DPP10: variants seen among roughly 807,000 people sequenced by gnomAD.
The protein encoded by DPP10 is dipeptidyl peptidase like 10.
Under a neutral mutation model 120.9 loss-of-function variants are expected in DPP10, and 33 were observed. The observed-to-expected ratio is 0.27, with a 90% CI of 0.21 to 0.37. DPP10 has a LOEUF of 0.37. DPP10 is among the 10% of genes least tolerant of loss of function. DPP10 has a pLI of 1.00. For synonymous variants in DPP10, 337 were observed against 326.1 expected (o/e 1.03, Z -0.36); for missense variants, 816 against 942.8 (o/e 0.87, Z 1.76).
intron 3 of DPP10, among the ~76,000 whole-genome samples, chr2:115,423,458 A>T (rs555981242): frequency 6.6e-6 from 1 of 152,162 alleles, no homozygotes; most frequent in Non-Finnish European, 1.5e-5. Context: ...GATATGTGTG[A>T]ATAAAACATA....
At chr2:115,776,711 A>G (rs1370940453) in intron 13 of DPP10, among the ~76,000 whole-genome samples, 1 of 152,158 alleles carries the variant, frequency 6.6e-6, no homozygotes, top group East Asian at 1.9e-4. Flanking sequence ...CCTTGGAAGC[A>G]TTGATTAAGC....
At chr2:115,517,511 G>T (rs1365132807) in intron 4 of DPP10, among the ~76,000 whole-genome samples, 1 of 151,944 alleles carries the variant, frequency 6.6e-6, no homozygotes, top group Admixed American at 6.6e-5. Flanking sequence ...TCAGCATTTT[G>T]TTACTGATTC....
chr2:114,790,852 T>G (rs1032147234), intron 1 of DPP10, among the ~76,000 whole-genome samples: 3 of 152,236 alleles, frequency 2.0e-5, no homozygotes, highest in African/African-American at 2.4e-5. Context: ...TTCAGTTACT[T>G]CAGGCCATCT....
chr2:114,741,219 T>C (rs1678029354), intron 1 of DPP10, among the ~76,000 whole-genome samples: 1 of 152,200 alleles, frequency 6.6e-6, no homozygotes, highest in South Asian at 2.1e-4. Context: ...TTACCAGGCA[T>C]GCATAACCTT....
At chr2:115,065,803 TAATTA>T (rs900075427) in intron 1 of DPP10, among the ~76,000 whole-genome samples, 3 of 152,188 alleles carry the variant, frequency 2.0e-5, no homozygotes, top group African/African-American at 7.2e-5. Context: ...TCCAGTGCAC[TAATTA>T]ATTTTACATT....
At chr2:114,493,368 CCAAGAAGAAAAATTTCTTT>C (rs1682173410) in intron 1 of DPP10, among the ~76,000 whole-genome samples, 1 of 152,026 alleles carries the variant, frequency 6.6e-6, no homozygotes. Context: ...TATAGTGGTT[CCAAGAAGAAAAATTTCTTT>C]CAAGAAGAAA....
chr2:115,684,363 C>T (rs1455060453), intron 5 of DPP10, among the ~76,000 whole-genome samples: 1 of 151,832 alleles, frequency 6.6e-6, no homozygotes, highest in South Asian at 2.1e-4. Context: ...AAAGTCACGA[C>T]TCACTCATCT....
chr2:115,618,001 C>A (rs1056761170), intron 5 of DPP10, among the ~76,000 whole-genome samples: 3 of 152,126 alleles, frequency 2.0e-5, no homozygotes, highest in African/African-American at 7.2e-5. Context: ...TTACAAGACA[C>A]CTATGTGATA....
intron 1 of DPP10, among the ~76,000 whole-genome samples, chr2:115,215,144 C>G (rs1404325852): frequency 6.6e-6 from 1 of 152,100 alleles, no homozygotes; most frequent in Non-Finnish European, 1.5e-5. Context: ...TGTTGATTTT[C>G]CAGAGTTGTC....
intron 5 of DPP10, among the ~76,000 whole-genome samples, chr2:115,538,392 T>G (rs1038563621): frequency 6.6e-6 from 1 of 152,016 alleles, no homozygotes; most frequent in Non-Finnish European, 1.5e-5. Context: ...TATTAATATT[T>G]TCATGTCTGT....
At chr2:115,281,679 A>G (rs929010766) in intron 1 of DPP10, among the ~76,000 whole-genome samples, 11 of 152,198 alleles carry the variant, frequency 7.2e-5, no homozygotes, top group African/African-American at 2.7e-4. Context: ...CCAGCAAGAA[A>G]ATATATGCAA....
intron 13 of DPP10, among the ~76,000 whole-genome samples, chr2:115,769,611 A>G (rs1279368425): frequency 1.3e-5 from 2 of 152,012 alleles, no homozygotes; most frequent in African/African-American, 4.8e-5. Context: ...TTATAAACTA[A>G]TGTATAATGT....
chr2:114,800,586 T>C (rs893054452), intron 1 of DPP10, among the ~76,000 whole-genome samples: 2 of 152,218 alleles, frequency 1.3e-5, no homozygotes, highest in Non-Finnish European at 2.9e-5. Flanking sequence ...GGATGTATTA[T>C]ATCATCTCAC....
chr2:115,759,610 T>G (rs1679851393), intron 11 of DPP10, among the ~76,000 whole-genome samples: 1 of 152,118 alleles, frequency 6.6e-6, no homozygotes, highest in Admixed American at 6.6e-5. Flanking sequence ...AATATTTTAG[T>G]TCCAAATGAA....
chr2:115,244,531 C>T (rs996982971), intron 1 of DPP10, among the ~76,000 whole-genome samples: 1 of 151,544 alleles, frequency 6.6e-6, no homozygotes, highest in East Asian at 1.9e-4. Flanking sequence ...TGAAATATTT[C>T]TTAATTCTTG....
chr2:115,272,418 T>G (rs1412110316), intron 1 of DPP10, among the ~76,000 whole-genome samples: 3 of 152,166 alleles, frequency 2.0e-5, no homozygotes, highest in African/African-American at 7.2e-5. Context: ...GATATATGAA[T>G]TCTTCAAATA....
At chr2:114,949,879 G>A (rs1170958091) in intron 1 of DPP10, among the ~76,000 whole-genome samples, 1 of 152,028 alleles carries the variant, frequency 6.6e-6, no homozygotes, top group Non-Finnish European at 1.5e-5. Context: ...CTTTCCAAGG[G>A]TTTTCACAGT....
intron 13 of DPP10, 73 bp from the exon 14 acceptor site, chr2:115,777,135 T>A: frequency 7.5e-7 from 1 of 1,333,544 alleles, no homozygotes. Context: ...TCACAAGCAG[T>A]TGGTACATTC....
At chr2:114,801,821 T>A (rs1299686908) in intron 1 of DPP10, among the ~76,000 whole-genome samples, 1 of 152,250 alleles carries the variant, frequency 6.6e-6, no homozygotes, top group Non-Finnish European at 1.5e-5. Context: ...CTTTTCCTTT[T>A]TTTTCTGTCC....
Sources: gnomAD v4.1 joint callset for allele counts (sites outside exome capture counted in the v4.1 genomes callset) on GRCh38, gnomAD v4.1.1 for gene constraint, MANE v1.5 for transcripts, NCBI Gene and HGNC (gene_info 2026-07-23, HGNC 2026-07-21) for gene names.